CDH13: variants seen among roughly 807,000 people sequenced by gnomAD.
The protein encoded by CDH13 is cadherin-13.
In CDH13, 24 loss-of-function variants were observed where a neutral mutation model predicts 63.8. The ratio of observed to expected loss-of-function variants is 0.38; its 90% confidence interval spans 0.27 to 0.53. The LOEUF is 0.53. Among genes scored for constraint, CDH13 ranks in the 20% least tolerant of loss-of-function variants. The pLI is 0.85. For synonymous variants in CDH13, 503 were observed against 355.3 expected, an observed-to-expected ratio of 1.42 and a Z score of -4.67; for missense variants, 1,049 against 903.1, an observed-to-expected ratio of 1.16 and a Z score of -2.07.
intron 5 of CDH13, among the ~76,000 whole-genome samples, chr16:83,317,127 A>G (rs538107505): frequency 3.9e-5 from 6 of 152,326 alleles, no homozygotes; most frequent in African/African-American, 1.4e-4. Flanking sequence ...ACATCCTACA[A>G]TGCCCAGAAA....
chr16:82,697,772 TGTGTGTGTGTGTGTG>T (rs2030514143), intron 1 of CDH13, among the ~76,000 whole-genome samples: 3 of 95,844 alleles, frequency 3.1e-5, no homozygotes, highest in African/African-American at 3.0e-5. Flanking sequence ...TGTGTGTGTG[TGTGTGTGTGTGTGTG>T]TAAGTTTTTT....
chr16:83,121,884 A>G (rs1009975867), intron 3 of CDH13, among the ~76,000 whole-genome samples: 1 of 152,134 alleles, frequency 6.6e-6, no homozygotes, highest in Non-Finnish European at 1.5e-5. Context: ...GAGAATGGCT[A>G]TTTATAGATG....
intron 7 of CDH13, among the ~76,000 whole-genome samples, chr16:83,574,973 G>A (rs1280266569): frequency 6.6e-6 from 1 of 152,212 alleles, no homozygotes; most frequent in East Asian, 1.9e-4. Flanking sequence ...TACGATAATA[G>A]CTAAAAAGTG....
chr16:83,500,923 C>G lies in CDH13; in HGVS notation c.960+14268C>G, dbSNP rs138310225. 2.9e-4 allele frequency among the ~76,000 whole-genome samples: 44 copies of G among 152,158 alleles called. No individual in the cohort carries two copies. The East Asian group carries it at 6.6e-3, about 23-fold the overall frequency. ...TGAGCCAGTTTATTTGTTGACCAAA[C>G]AGAGGGAGTTGTGCCAGGAATCATG... On this transcript the variant is annotated intron_variant, in intron 7 of 13. Transcript: ENST00000567109.
intron 2 of CDH13, among the ~76,000 whole-genome samples, chr16:82,895,539 T>C (rs938114316): frequency 2.0e-5 from 3 of 152,172 alleles, no homozygotes; most frequent in Non-Finnish European, 4.4e-5. Flanking sequence ...CAACCAAAGA[T>C]GCCATGCTTT....
intron 8 of CDH13, among the ~76,000 whole-genome samples, chr16:83,619,102 A>G (rs1909564712): frequency 6.6e-6 from 1 of 152,216 alleles, no homozygotes; most frequent in African/African-American, 2.4e-5. Flanking sequence ...CACACGTGAT[A>G]ACGTTATGCT....
chr16:82,630,233 C>G lies in CDH13; in HGVS notation c.45+3096C>G, dbSNP rs569823689. Among the ~76,000 whole-genome samples, 531 of 152,254 alleles carry G rather than the reference C, an allele frequency of 3.5e-3. 2 individuals carry two copies. Among genetic ancestry groups the G allele is most frequent in the South Asian group, 5.8e-3 (28 of 4,818 alleles). On this transcript the variant is annotated intron_variant, in intron 1 of 13. Transcript: ENST00000567109. ...TTGAAGAGGGTGCTGCCCCCTCCCC[C>G]CCTAGGGTCAATACATGACAGCCTG... is the stretch of plus-strand genomic sequence containing the variant.
At chr16:82,886,710 G>A (rs1001463921) in intron 2 of CDH13, among the ~76,000 whole-genome samples, 2 of 151,986 alleles carry the variant, frequency 1.3e-5, no homozygotes, top group African/African-American at 2.4e-5. Flanking sequence ...GCCTTTTTCT[G>A]TGTTCTCTGT....
At chr16:83,287,767 T>A (rs2089356997) in intron 5 of CDH13, among the ~76,000 whole-genome samples, 2 of 152,062 alleles carry the variant, frequency 1.3e-5, no homozygotes. Context: ...TCCCCTCACC[T>A]CCTCCTGGTC....
intron 1 of CDH13, among the ~76,000 whole-genome samples, chr16:82,663,492 C>T (rs562318405): frequency 2.5e-4 from 38 of 151,552 alleles, no homozygotes; most frequent in South Asian, 8.4e-4. Context: ...GCCACCGCCA[C>T]TCATTTTACA....
chr16:83,183,940 C>T (rs184178703), intron 4 of CDH13, among the ~76,000 whole-genome samples: 5 of 152,086 alleles, frequency 3.3e-5, no homozygotes, highest in African/African-American at 1.2e-4. Context: ...CACCCCAATC[C>T]CAAAATTCCA....
chr16:83,291,355 G>C lies in CDH13; in HGVS notation c.637-53507G>C, dbSNP rs1325378992. The stretch of plus-strand genomic sequence containing the variant: ...GTCGCTTTTCTCATTCAACTTTTCA[G>C]CTTATTGTACCCCCGCTTTGTACCC... On this transcript the variant is annotated intron_variant, in intron 5 of 13. Coordinates refer to ENST00000567109, the MANE Select transcript of CDH13 (RefSeq NM_001257.5). Among the ~76,000 whole-genome samples, 7 of 152,000 alleles carry C rather than the reference G, an allele frequency of 4.6e-5. No individual in the cohort carries two copies. In the South Asian group the frequency reaches 1.5e-3, roughly 32 times the overall value.
chr16:82,911,809 CT>C (rs754548668), intron 2 of CDH13, among the ~76,000 whole-genome samples: 41 of 152,214 alleles, frequency 2.7e-4, no homozygotes, highest in Non-Finnish European at 5.1e-4. Flanking sequence ...GGAATCCTGG[CT>C]TTTACCACCA....
chr16:83,032,317 A>T, intron 3 of CDH13, 99 bp downstream of exon 3: 1 of 880,614 alleles, frequency 1.1e-6, no homozygotes, highest in Non-Finnish European at 1.7e-6. Flanking sequence ...GTTGGCTAAG[A>T]TTCCTTTTGT....
intron 1 of CDH13, among the ~76,000 whole-genome samples, chr16:82,783,479 A>C (rs1372576721): frequency 6.6e-6 from 1 of 152,220 alleles, no homozygotes; most frequent in Non-Finnish European, 1.5e-5. Flanking sequence ...CTGCAAGGAC[A>C]CAGAGAGGTG....
At chr16:83,178,207 T>C (rs1247746708) in intron 4 of CDH13, among the ~76,000 whole-genome samples, 1 of 152,102 alleles carries the variant, frequency 6.6e-6, no homozygotes, top group African/African-American at 2.4e-5. Context: ...CAGATAATTA[T>C]GTTGTGGGAG....
At chr16:82,715,595 A>C (rs2032308009) in intron 1 of CDH13, among the ~76,000 whole-genome samples, 1 of 152,138 alleles carries the variant, frequency 6.6e-6, no homozygotes, top group Non-Finnish European at 1.5e-5. Flanking sequence ...TAGGGTAGCC[A>C]AACAGGAATT....
intron 1 of CDH13, among the ~76,000 whole-genome samples, chr16:82,842,256 C>G (rs1414942112): frequency 1.3e-5 from 2 of 150,068 alleles, no homozygotes; most frequent in African/African-American, 4.9e-5. Flanking sequence ...TTATCAAAGA[C>G]AAGGAATTTT....
At chr16:82,876,011 A>C (rs1469111972) in intron 2 of CDH13, among the ~76,000 whole-genome samples, 1 of 152,144 alleles carries the variant, frequency 6.6e-6, no homozygotes, top group Middle Eastern at 3.2e-3. Context: ...GCAAAAAGAG[A>C]ATTTGTGCAG....
Sources: gnomAD v4.1 joint callset for allele counts (sites outside exome capture counted in the v4.1 genomes callset) on GRCh38, gnomAD v4.1.1 for gene constraint, MANE v1.5 for transcripts, NCBI Gene and HGNC (gene_info 2026-07-23, HGNC 2026-07-21) for gene names.